The following ANK2 variants were observed in gnomAD, a reference collection of about 807,000 sequenced individuals.
ANK2 encodes the protein ankyrin 2, also known as ankyrin-2.
In ANK2, 83 loss-of-function variants were observed where a neutral mutation model predicts 360.5. The ratio of observed to expected loss-of-function variants is 0.23; its 90% CI spans 0.19 to 0.28. The LOEUF (loss-of-function observed/expected upper bound fraction) is 0.28, where lower values mean the gene tolerates loss of function less well. ANK2 is among the 10% of genes least tolerant of loss of function. ANK2 has a pLI of 1.00. For missense variants in ANK2, 4,201 were observed against 4,795.7 expected (o/e 0.88, Z 3.66); for synonymous variants, 1,740 against 1,759.5 (o/e 0.99, Z 0.28).
chr4:113,191,378 T>C (rs1246770167), intron 2 of ANK2, among the ~76,000 whole-genome samples: 1 of 151,920 alleles, frequency 6.6e-6, no homozygotes, highest in Non-Finnish European at 1.5e-5. Flanking sequence ...ATAAATAGAG[T>C]TGAAATGTTC....
At chr4:113,256,988 G>A (rs1201475922) in intron 11 of ANK2, among the ~76,000 whole-genome samples, 1 of 152,192 alleles carries the variant, frequency 6.6e-6, no homozygotes, top group Non-Finnish European at 1.5e-5. Context: ...GCATGTGCAT[G>A]TGGCTATTTA....
chr4:113,135,130 G>A (rs2096312687), intron 1 of ANK2, among the ~76,000 whole-genome samples: 1 of 151,902 alleles, frequency 6.6e-6, no homozygotes, highest in Admixed American at 6.6e-5. Flanking sequence ...GCTGATAACT[G>A]TGGGGTGTTT....
At chr4:112,940,556 G>A (rs1286843308) in intron 2 of ANK2, among the ~76,000 whole-genome samples, 1 of 152,112 alleles carries the variant, frequency 6.6e-6, no homozygotes, top group Admixed American at 6.5e-5. Flanking sequence ...GATGTTATTA[G>A]CATTTTTCAG....
intron 2 of ANK2, among the ~76,000 whole-genome samples, chr4:112,961,981 C>A (rs1257162459): frequency 6.6e-6 from 1 of 152,106 alleles, no homozygotes; most frequent in African/African-American, 2.4e-5. Flanking sequence ...AAAGGATCTA[C>A]AATGTGCAGC....
chr4:112,784,886 A>C, the ANK2 span, among the ~76,000 whole-genome samples: 2 of 152,250 alleles, frequency 1.3e-5, no homozygotes, highest in African/African-American at 4.8e-5. Flanking sequence ...GGTCTTACAG[A>C]AAAATATATT....
intron 1 of ANK2, chr4:113,117,267 C>T (rs1360476230): frequency 2.2e-6 from 1 of 455,562 alleles, no homozygotes; most frequent in Non-Finnish European, 4.4e-6. Flanking sequence ...TCTGCTACTG[C>T]TTCTGCTGAT....
rs890453109 is a variant in ANK2, at chr4:113,006,461, A to G, written c.21+101947A>G. ...ACTCACAAGAGCAGGACAAGTTTAA[A>G]TACATTGAGCTCTCATTATTTATCC... On this transcript the variant is annotated intron_variant, in intron 2 of 30. Transcript: ENST00000503271. Among the ~76,000 whole-genome samples the G allele has an allele frequency of 2.6e-5, 4 of 152,214 alleles. No homozygotes were observed. In the East Asian group the frequency reaches 7.7e-4, roughly 29 times the overall value.
chr4:113,204,913 T>G (rs949803146), intron 4 of ANK2, among the ~76,000 whole-genome samples: 1 of 152,154 alleles, frequency 6.6e-6, no homozygotes, highest in Admixed American at 6.5e-5. Context: ...CCTCTTAGAC[T>G]GTTCTTCAAT....
the ANK2 span, among the ~76,000 whole-genome samples, chr4:112,719,740 A>G: frequency 6.6e-6 from 1 of 151,924 alleles, no homozygotes; most frequent in East Asian, 1.9e-4. Flanking sequence ...AAAAAAAAAA[A>G]AAGAAGGTAT....
chr4:112,706,614 C>T, the ANK2 span: 2 of 152,294 alleles, frequency 1.3e-5, no homozygotes, highest in African/African-American at 4.8e-5. Context: ...GGAAAGGTAC[C>T]CCAGACCCAA....
At position 112,846,365 on chromosome 4, in the gene ANK2, C is replaced by A. The variant is rs536121672; in HGVS notation, c.-40+28101C>A. 2.6e-5 allele frequency among the ~76,000 whole-genome samples: 4 copies of A among 152,242 alleles called. No homozygotes were observed. The East Asian group carries it at 7.7e-4, about 29-fold the overall frequency. ...GGCTCAATCGATCTGCCCTGCTTAGCCTCCCAAAGTGCTAGCTAGGATTAC... is the reference window on the plus strand; with the variant it reads ...GGCTCAATCGATCTGCCCTGCTTAGACTCCCAAAGTGCTAGCTAGGATTAC... On this transcript the variant is annotated intron_variant, in intron 1 of 30. Coordinates refer to the ANK2 transcript ENST00000503271.
At chr4:113,293,038 G>A (rs770970748) in intron 21 of ANK2, 103 of 364,994 alleles carry the variant, frequency 2.8e-4, no homozygotes, top group Non-Finnish European at 1.3e-4. Context: ...CCGTGTTCCC[G>A]ATGGTAACAT....
intron 1 of ANK2, among the ~76,000 whole-genome samples, chr4:113,160,709 T>C (rs2154402635): frequency 6.6e-6 from 1 of 152,310 alleles, no homozygotes; most frequent in South Asian, 2.1e-4. Context: ...ATTTCTACCT[T>C]GGAGGGCCAG....
At chr4:112,888,479 A>G (rs973474931) in intron 1 of ANK2, among the ~76,000 whole-genome samples, 2 of 152,252 alleles carry the variant, frequency 1.3e-5, no homozygotes, top group Admixed American at 6.5e-5. Context: ...GATATAATCA[A>G]TATGAAAACA....
At chr4:113,279,480 T>C (rs1171644671) in intron 17 of ANK2, among the ~76,000 whole-genome samples, 1 of 151,992 alleles carries the variant, frequency 6.6e-6, no homozygotes, top group East Asian at 1.9e-4. Flanking sequence ...TGTTAGAGCT[T>C]GTACCTGTGT....
chr4:113,214,935 C>T (rs2099069205), intron 4 of ANK2, among the ~76,000 whole-genome samples: 1 of 152,060 alleles, frequency 6.6e-6, no homozygotes, highest in Non-Finnish European at 1.5e-5. Flanking sequence ...CCAACAATGT[C>T]ATCAAAAGAC....
intron 2 of ANK2, among the ~76,000 whole-genome samples, chr4:112,927,922 G>A (rs1263691045): frequency 6.6e-6 from 1 of 152,116 alleles, no homozygotes; most frequent in East Asian, 1.9e-4. Flanking sequence ...ACAAGAAAAA[G>A]CTGTCACTAG....
intron 1 of ANK2, among the ~76,000 whole-genome samples, chr4:113,057,752 A>C (rs937495323): frequency 5.3e-5 from 8 of 152,148 alleles, no homozygotes; most frequent in African/African-American, 1.9e-4. Flanking sequence ...AATTTTTGAA[A>C]GTATCTAAAT....
the ANK2 span, among the ~76,000 whole-genome samples, chr4:112,709,689 C>T: frequency 4.5e-3 from 692 of 152,218 alleles, 7 homozygotes; most frequent in African/African-American, 0.015. Flanking sequence ...GCGGAGGTTG[C>T]GGTGAGCTGA....
Sources: allele counts gnomAD v4.1 joint callset (sites outside exome capture counted in the v4.1 genomes callset), GRCh38; gene constraint gnomAD v4.1.1; transcripts MANE v1.5; gene names NCBI Gene and HGNC (gene_info 2026-07-23, HGNC 2026-07-21).